The following KDM3B variants were observed in gnomAD, a reference collection of about 807,000 sequenced individuals.
KDM3B encodes lysine demethylase 3B, also known as lysine-specific demethylase 3B.
A neutral mutation model predicts 170.0 loss-of-function variants in KDM3B; 10 were observed. The ratio of observed to expected loss-of-function variants is 0.06; its 90% CI spans 0.04 to 0.10. The LOEUF is 0.10. KDM3B is among the 10% of genes least tolerant of loss of function. The probability of loss-of-function intolerance (pLI) is 1.00; values close to 1 mark genes in which losing one functional copy is unlikely to be tolerated. For missense variants in KDM3B, 1,394 were observed against 2,195.2 expected, an observed-to-expected ratio of 0.64 and a Z score of 7.29; for synonymous variants, 831 against 834.8, an observed-to-expected ratio of 1.00 and a Z score of 0.08.
Position 138,390,965 on chromosome 5 carries a change from A to G in KDM3B, c.1381-48A>G, listed in dbSNP as rs142197280. On this transcript the variant is annotated intron_variant, in intron 7 of 23. Transcript: ENST00000314358. ...TGAGGTCCAAGAAAGAGATCATTAG[A>G]TTGTCATGAGAAGCCAGCATCACTA... 1,030 of 1,491,238 alleles carry G rather than the reference A, an allele frequency of 6.9e-4. 5 individuals are homozygous for G. The African/African-American group carries it at 0.013, about 19-fold the overall frequency. 92.4% of individuals were successfully genotyped at this position (1,491,238 alleles called of 1,614,324 possible).
intron 11 of KDM3B, among the ~76,000 whole-genome samples, chr5:138,400,643 A>T (rs920949599): frequency 1.3e-5 from 2 of 152,074 alleles, no homozygotes; most frequent in African/African-American, 4.8e-5. Context: ...ACAGCTACTC[A>T]GGAGGCTGAG....
chr5:138,366,971 A>G (rs2126916256), intron 1 of KDM3B, among the ~76,000 whole-genome samples: 1 of 152,310 alleles, frequency 6.6e-6, no homozygotes, highest in South Asian at 2.1e-4. Flanking sequence ...TACTACTCCC[A>G]GAACACTTGA....
chr5:138,352,862 T>C lies in KDM3B; in HGVS notation c.67T>C (p.Ser23Pro). 1 of 1,377,886 alleles carries C rather than the reference T, an allele frequency of 7.3e-7. No homozygotes were observed. Among genetic ancestry groups the C allele is most frequent in the Non-Finnish European group, 9.4e-7 (1 of 1,062,680 alleles). The allele number at this position is 1,377,886 out of a possible 1,614,324, so 85.4% of individuals were successfully genotyped here. ...LLLLFADTAASASASAPAAAA... is the reference protein window; with the variant it reads ...LLLLFADTAAPASASAPAAAA... ...GCTGCTGTTCGCGGACACTGCGGCC[T>C]CAGCCTCGGCCTCGGCTCCCGCGGC... The change falls in exon 1 of 24, where the codon TCA becomes CCA. Residue 23 changes from serine to proline, a missense_variant. Ser to Pro is a moderately conservative substitution (Grantham distance 74, BLOSUM62 -1). Around this residue, in one of 19 missense-constraint regions of KDM3B, gnomAD observed 99 missense variants for 97.5 expected, o/e 1.02. Coordinates refer to ENST00000314358, the MANE Select transcript of KDM3B (RefSeq NM_016604.4).
chr5:138,410,157 G>C (rs1427558115), intron 11 of KDM3B, among the ~76,000 whole-genome samples: 1 of 152,168 alleles, frequency 6.6e-6, no homozygotes, highest in East Asian at 1.9e-4. Flanking sequence ...CTTCTAAATT[G>C]ATATGTAATT....
At chr5:138,400,721 C>T (rs898649285) in intron 11 of KDM3B, among the ~76,000 whole-genome samples, 1 of 150,496 alleles carries the variant, frequency 6.6e-6, no homozygotes, top group African/African-American at 2.4e-5. Context: ...TGCACTCCAG[C>T]CTGGACAACA....
At chr5:138,354,125 A>G (rs539609425) in intron 1 of KDM3B, among the ~76,000 whole-genome samples, 209 of 152,328 alleles carry the variant, frequency 1.4e-3, no homozygotes, top group Non-Finnish European at 2.6e-3. Context: ...CCTATTGATC[A>G]ACGGTGTTAG....
At chr5:138,416,638 C>T (rs1208608365) in intron 12 of KDM3B, among the ~76,000 whole-genome samples, 2 of 150,524 alleles carry the variant, frequency 1.3e-5, no homozygotes, top group African/African-American at 2.4e-5. Context: ...GAAAACTTTG[C>T]TGGAGCATCC....
intron 1 of KDM3B, among the ~76,000 whole-genome samples, chr5:138,370,478 T>C (rs1460444465): frequency 1.3e-5 from 2 of 152,236 alleles, no homozygotes; most frequent in African/African-American, 4.8e-5. Context: ...TGTTGGTTAC[T>C]TGAGAACATG....
intron 1 of KDM3B, among the ~76,000 whole-genome samples, chr5:138,363,233 AAGT>A (rs1296245283): frequency 6.6e-6 from 1 of 152,154 alleles, no homozygotes; most frequent in Non-Finnish European, 1.5e-5. Context: ...TGTCTAAAAA[AAGT>A]AGAACATTTT....
At chr5:138,415,084 T>G in intron 11 of KDM3B, 48 bp from the exon 12 acceptor site, 1 of 1,296,648 alleles carries the variant, frequency 7.7e-7, no homozygotes, top group Non-Finnish European at 1.1e-6. Flanking sequence ...CTGAGAAGGA[T>G]CCATTTTTGT....
rs965851203 is a variant in KDM3B, at chr5:138,432,416, A to G, written c.5205+857A>G. On this transcript the variant is annotated intron_variant, in intron 23 of 23. Transcript: ENST00000314358. The stretch of plus-strand genomic sequence containing the variant: ...TAATACACTTAGGTACTTTAGTTGC[A>G]TAAAAAGAACAAAGAGGGCTGGGCG... Among the ~76,000 whole-genome samples, 9 of 139,482 alleles carry G rather than the reference A, an allele frequency of 6.5e-5. No homozygotes were observed. In the Admixed American group the frequency reaches 6.8e-4, roughly 11 times the overall value. 91.5% of individuals were successfully genotyped at this position (139,482 alleles called of 152,430 possible).
chr5:138,412,873 G>A lies in KDM3B; in HGVS notation c.3200-2259G>A, dbSNP rs943877377. Among the ~76,000 whole-genome samples, 4 of 152,088 alleles carry A rather than the reference G, an allele frequency of 2.6e-5. No homozygotes were observed. In the South Asian group the frequency reaches 6.2e-4, roughly 24 times the overall value. ...GCCCATCCTGGTCTTTAACTTTTAC[G>A]CTCAAGCGATTCTTCCACATTGGCC... On this transcript the variant is annotated intron_variant, in intron 11 of 23. Coordinates refer to ENST00000314358, the MANE Select transcript of KDM3B (RefSeq NM_016604.4).
intron 11 of KDM3B, among the ~76,000 whole-genome samples, chr5:138,405,833 GAA>G (rs1182767867): frequency 6.6e-6 from 1 of 152,154 alleles, no homozygotes; most frequent in Non-Finnish European, 1.5e-5. Flanking sequence ...GGAAAAGAGG[GAA>G]AACTGGAAGT....
chr5:138,435,804 G>C lies in KDM3B; in HGVS notation c.*104G>C. The stretch of plus-strand genomic sequence containing the variant: ...CTGGAGCAGAGGCCCTTCACCCAGA[G>C]CCAGTGTGGTCAGTATTCCAAACTC... On this transcript the variant is annotated 3_prime_UTR_variant, in exon 24 of 24. Coordinates refer to ENST00000314358, the MANE Select transcript of KDM3B (RefSeq NM_016604.4). The C allele has an allele frequency of 1.2e-6, 1 of 863,756 alleles. No homozygotes were observed. 53.5% of individuals were successfully genotyped at this position (863,756 alleles called of 1,614,324 possible). A position where few individuals can be genotyped will look rare whatever the true frequency, so the allele number is the denominator to read the frequency against.
chr5:138,425,614 G>C, intron 17 of KDM3B, 32 bp downstream of exon 17: 1 of 1,588,598 alleles, frequency 6.3e-7, no homozygotes, highest in Non-Finnish European at 8.6e-7. Flanking sequence ...TTCAGTGATA[G>C]CAGACTGGAA....
In KDM3B at chr5:138,391,593, C is replaced by A; in HGVS notation, c.1961C>A (p.Ser654Tyr). ...CACAGCCCTTTCAGTAGTTTTGCAT[C>A]TCAGGCATCAGGTAGCTCCTCTTCT... ...VEHSPFSSFA[S>Y]QASGSSSSAT... Residue 654 changes from serine (S) to tyrosine (Y), a missense_variant, in exon 8 of 24, where the codon TCT becomes TAT. Physicochemically the swap from Ser to Tyr is moderately radical, Grantham distance 144 (BLOSUM62 -2). Transcript: ENST00000314358. The surrounding 1 kb of genome is among the most constrained non-coding windows in gnomAD (Gnocchi z 5.0). 1 of 1,614,162 alleles carries A rather than the reference C, an allele frequency of 6.2e-7. No homozygotes were observed. Among genetic ancestry groups the A allele is most frequent in the South Asian group, 1.1e-5 (1 of 91,090 alleles).
intron 23 of KDM3B, among the ~76,000 whole-genome samples, chr5:138,432,502 T>C (rs916070744): frequency 6.6e-6 from 1 of 152,092 alleles, no homozygotes. Flanking sequence ...ACCCCATCTT[T>C]ACTAAAAATA....
At chr5:138,426,432 G>A (rs1763393222) in intron 17 of KDM3B, among the ~76,000 whole-genome samples, 1 of 151,556 alleles carries the variant, frequency 6.6e-6, no homozygotes, top group Non-Finnish European at 1.5e-5. Context: ...AAAATTAGCC[G>A]GGCATGGTGG....
chr5:138,421,385 A>T (rs981600193), intron 15 of KDM3B, among the ~76,000 whole-genome samples: 2 of 152,204 alleles, frequency 1.3e-5, no homozygotes, highest in Admixed American at 1.3e-4. Flanking sequence ...GGTTGGTGGC[A>T]TCTCTGCCCT....
Sources: gnomAD v4.1 joint callset for allele counts (sites outside exome capture counted in the v4.1 genomes callset) on GRCh38, gnomAD v4.1.1 for gene constraint, gnomAD v4.1.1 regional missense constraint, Gnocchi (gnomAD v3.1) non-coding constraint, MANE v1.5 for transcripts, NCBI Gene and HGNC (gene_info 2026-07-23, HGNC 2026-07-21) for gene names.